Variants in CNOT6L observed in about 807,000 individuals in gnomAD.
CNOT6L encodes the protein CCR4-NOT transcription complex subunit 6-like.
Under a neutral mutation model 64.0 loss-of-function variants are expected in CNOT6L, and 7 were observed. The ratio of observed to expected loss-of-function variants is 0.11; its 90% CI spans 0.06 to 0.21. The LOEUF is 0.21. Ranked by LOEUF, CNOT6L falls within the 10% of genes least tolerant of loss-of-function variation. The pLI, the probability that CNOT6L is intolerant of heterozygous loss-of-function variation, is 1.00. For missense variants in CNOT6L, 245 were observed against 669.0 expected, an observed-to-expected ratio of 0.37 and a Z score of 6.99; for synonymous variants, 193 against 243.4, an observed-to-expected ratio of 0.79 and a Z score of 1.93.
At chr4:77,759,654 C>T (rs180977715) in intron 4 of CNOT6L, among the ~76,000 whole-genome samples, 55 of 151,740 alleles carry the variant, frequency 3.6e-4, no homozygotes, top group Admixed American at 1.1e-3. Context: ...GTGTCAGCAG[C>T]GACAACAGGA....
chr4:77,805,855 G>A (rs1040851655), intron 1 of CNOT6L, among the ~76,000 whole-genome samples: 3 of 152,156 alleles, frequency 2.0e-5, no homozygotes, highest in Admixed American at 6.5e-5. Flanking sequence ...CCAATCATAA[G>A]AGTATTCTAA....
intron 1 of CNOT6L, among the ~76,000 whole-genome samples, chr4:77,802,830 T>C (rs1403923447): frequency 6.6e-6 from 1 of 152,170 alleles, no homozygotes; most frequent in African/African-American, 2.4e-5. Context: ...CTGAACATAG[T>C]TAAGACCAAC....
At chr4:77,795,177 G>A (rs1222088859) in intron 1 of CNOT6L, among the ~76,000 whole-genome samples, 1 of 151,684 alleles carries the variant, frequency 6.6e-6, no homozygotes, top group Non-Finnish European at 1.5e-5. Context: ...GCGCCACCAC[G>A]GCTGGCTAAT....
Position 77,719,764 on chromosome 4 carries a change from T to G in CNOT6L, c.*667A>C, listed in dbSNP as rs2109844258. ...TATATAAAGGACAAAAAAACCAAAGTGATTCCTCAAAAAAACTCCAAACCA... is the reference window on the plus strand; with the variant it reads ...TATATAAAGGACAAAAAAACCAAAGGGATTCCTCAAAAAAACTCCAAACCA... On this transcript the variant is annotated 3_prime_UTR_variant, in exon 12 of 12. Transcript: ENST00000504123. The G allele has an allele frequency of 6.5e-6, 1 of 152,674 alleles. No homozygotes were observed. Among genetic ancestry groups the G allele is most frequent in the South Asian group, 2.1e-4 (1 of 4,824 alleles). 9.5% of individuals were successfully genotyped at this position (152,674 alleles called of 1,614,324 possible).
At chr4:77,752,157 TG>T (rs1724929883) in intron 5 of CNOT6L, among the ~76,000 whole-genome samples, 1 of 151,622 alleles carries the variant, frequency 6.6e-6, no homozygotes, top group Admixed American at 6.6e-5. Context: ...AAAACAGAAA[TG>T]GAACACCAAA....
At position 77,744,738 on chromosome 4, in the gene CNOT6L, C is replaced by T; in HGVS notation, c.697G>A (p.Ala233Thr). The change falls in exon 7 of 12, where the codon GCA becomes ACA. Residue 233 changes from alanine (A) to threonine (T), a missense_variant. Physicochemically the swap from Ala to Thr is moderately conservative, Grantham distance 58. Coordinates refer to ENST00000504123, the MANE Select transcript of CNOT6L (RefSeq NM_144571.3). ...GTTACCTGAAGACTAATGATATCTG[C>T]GTCACAGTTAACAATTTCTTCCATA... ...GIMEEIVNCD[A>T]DIISLQEVET... is the part of the protein sequence containing the mutation. 6.2e-7 allele frequency: 1 copy of T among 1,612,246 alleles called. No individual in the cohort carries two copies. The highest frequency in any genetic ancestry group is 8.5e-7 in the Non-Finnish European group (1 of 1,179,068).
At chr4:77,779,486 A>G (rs907229325) in intron 1 of CNOT6L, among the ~76,000 whole-genome samples, 1 of 152,066 alleles carries the variant, frequency 6.6e-6, no homozygotes, top group Admixed American at 6.6e-5. Flanking sequence ...CTAGATTTCT[A>G]TTTTTTAATT....
At chr4:77,723,556 A>G (rs1577916068) in intron 11 of CNOT6L, among the ~76,000 whole-genome samples, 1 of 152,182 alleles carries the variant, frequency 6.6e-6, no homozygotes, top group East Asian at 1.9e-4. Context: ...TGTTACTTGG[A>G]CTAAGAGCTC....
intron 1 of CNOT6L, chr4:77,819,080 G>A (rs763233206): frequency 1.8e-5 from 5 of 280,466 alleles, no homozygotes; most frequent in South Asian, 5.2e-5. Context: ...ACACACCCCG[G>A]AACCTTCGCC....
chr4:77,716,267 T>C lies in CNOT6L; in HGVS notation c.*4164A>G, dbSNP rs554827705. On this transcript the variant is annotated 3_prime_UTR_variant, in exon 12 of 12. Coordinates refer to ENST00000504123, the MANE Select transcript of CNOT6L (RefSeq NM_144571.3). ...ATAAAAACCATTATTTTCCAAAAAC[T>C]GGTCAGCATATTTTGCAAAGCTATT... 6.6e-6 allele frequency: 1 copy of C among 152,214 alleles called. No homozygotes were observed. The highest frequency in any genetic ancestry group is 2.1e-4 in the South Asian group (1 of 4,824). The allele number at this position is 152,214 out of a possible 1,614,324, so 9.4% of individuals were successfully genotyped here.
At chr4:77,741,056 T>A (rs1005911120) in intron 8 of CNOT6L, among the ~76,000 whole-genome samples, 24 of 152,154 alleles carry the variant, frequency 1.6e-4, no homozygotes, top group African/African-American at 5.8e-4. Flanking sequence ...TTCCCGTAGT[T>A]AAGAGATACG....
intron 4 of CNOT6L, among the ~76,000 whole-genome samples, chr4:77,765,874 T>G (rs1338839557): frequency 6.6e-6 from 1 of 152,218 alleles, no homozygotes; most frequent in East Asian, 1.9e-4. Context: ...GCTACAATAT[T>G]TGCTGCTTAC....
chr4:77,742,587 C>T (rs1723713587), intron 7 of CNOT6L: 2 of 353,102 alleles, frequency 5.7e-6, no homozygotes, highest in Non-Finnish European at 1.1e-5. Flanking sequence ...CTCCATTATA[C>T]TTTACTTCCT....
intron 8 of CNOT6L, among the ~76,000 whole-genome samples, chr4:77,732,758 T>C (rs1464040762): frequency 2.0e-5 from 3 of 151,864 alleles, no homozygotes; most frequent in African/African-American, 7.3e-5. Context: ...AGGTAGAAAA[T>C]GTGAAAGGTC....
chr4:77,820,083 G>C (rs1479759276), upstream of CNOT6L, among the ~76,000 whole-genome samples: 1 of 152,144 alleles, frequency 6.6e-6, no homozygotes, highest in Non-Finnish European at 1.5e-5. Context: ...GCTGCGCCGG[G>C]TGCTGCTGGG....
intron 4 of CNOT6L, 25 bp downstream of exon 4, chr4:77,773,056 T>C (rs752498867): frequency 3.1e-5 from 47 of 1,521,552 alleles, no homozygotes; most frequent in Non-Finnish European, 9.0e-7. Context: ...TCAGAATACC[T>C]CAAAACTGTT....
At chr4:77,798,866 C>T (rs1425824661) in intron 1 of CNOT6L, among the ~76,000 whole-genome samples, 1 of 151,698 alleles carries the variant, frequency 6.6e-6, no homozygotes, top group East Asian at 1.9e-4. Flanking sequence ...CCTGTGATCC[C>T]AGCTACTAAG....
At chr4:77,763,553 C>T (rs932414755) in intron 4 of CNOT6L, among the ~76,000 whole-genome samples, 3 of 152,014 alleles carry the variant, frequency 2.0e-5, no homozygotes, top group Non-Finnish European at 4.4e-5. Context: ...TAAACAATTC[C>T]ATTTTAATGG....
rs1305313478 is a variant in CNOT6L, at chr4:77,717,478, A to T, written c.*2953T>A. 2 of 152,556 alleles carry T rather than the reference A, an allele frequency of 1.3e-5. No homozygotes were observed. Among genetic ancestry groups the T allele is most frequent in the Non-Finnish European group, 2.9e-5 (2 of 68,028 alleles). 9.5% of individuals were successfully genotyped at this position (152,556 alleles called of 1,614,324 possible). On this transcript the variant is annotated 3_prime_UTR_variant, in exon 12 of 12. Coordinates refer to ENST00000504123, the MANE Select transcript of CNOT6L (RefSeq NM_144571.3). Reference sequence around the variant, plus strand: ...AAAAAACATGTATCACATTCTAAAAATGCCCAGATTTTCTTTTATCTTCTG... The same window carrying T: ...AAAAAACATGTATCACATTCTAAAATTGCCCAGATTTTCTTTTATCTTCTG...
Sources: gnomAD v4.1 joint callset for allele counts (sites outside exome capture counted in the v4.1 genomes callset) on GRCh38, gnomAD v4.1.1 for gene constraint, MANE v1.5 for transcripts, NCBI Gene and HGNC (gene_info 2026-07-23, HGNC 2026-07-21) for gene names.